Variants in ATXN8OS observed in about 807,000 individuals in gnomAD.
ATXN8OS encodes the protein ATXN8 opposite strand (non-protein coding).
At chr13:70,155,872 A>G (rs1441466484) in intron 4 of ATXN8OS, among the ~76,000 whole-genome samples, 2 of 151,812 alleles carry the variant, frequency 1.3e-5, no homozygotes, top group South Asian at 4.2e-4. Context: ...AAAAAAAAGT[A>G]TGTTTTATTT....
chr13:70,146,329 G>A (rs1273230639), intron 3 of ATXN8OS, among the ~76,000 whole-genome samples: 2 of 149,668 alleles, frequency 1.3e-5, no homozygotes, highest in Non-Finnish European at 3.0e-5. Context: ...CTGTAAACTA[G>A]TTCAACCATT....
Position 70,164,267 on chromosome 13 carries a change from T to A in ATXN8OS, n.574-5486T>A, listed in dbSNP as rs562509096. ...AAAGATATTAAAAATGATATTAAAA[T>A]GTAATTTCAAATAAAGTAATCCTCT... On this transcript the variant is annotated intron_variant and non_coding_transcript_variant, in intron 4 of 4. Transcript: ENST00000678624. Among the ~76,000 whole-genome samples, 14 of 151,742 alleles carry A rather than the reference T, an allele frequency of 9.2e-5. No individual in the cohort carries two copies. The South Asian group carries it at 2.9e-3, about 31-fold the overall frequency.
intron 4 of ATXN8OS, among the ~76,000 whole-genome samples, chr13:70,149,509 G>A (rs302031): frequency 0.86 from 131,597 of 152,182 alleles, 57,052 homozygotes; most frequent in East Asian, 1. Flanking sequence ...CAGAATTACC[G>A]AAGAAACTGT....
At chr13:70,141,125 C>T (rs1182637879) in intron 3 of ATXN8OS, among the ~76,000 whole-genome samples, 3 of 152,168 alleles carry the variant, frequency 2.0e-5, no homozygotes, top group Non-Finnish European at 4.4e-5. Flanking sequence ...ATCCTCAAGG[C>T]TTCCCTAGTT....
intron 2 of ATXN8OS, among the ~76,000 whole-genome samples, chr13:70,126,507 A>T (rs1157637632): frequency 3.3e-5 from 5 of 152,080 alleles, no homozygotes; most frequent in Non-Finnish European, 7.4e-5. Context: ...ATAGATATAG[A>T]CATATGAGTA....
intron 2 of ATXN8OS, among the ~76,000 whole-genome samples, chr13:70,121,079 AAAG>A (rs982581140): frequency 2.7e-5 from 3 of 111,812 alleles, no homozygotes; most frequent in African/African-American, 5.8e-5. Context: ...AATAAAAAAA[AAAG>A]AGAGAAGCCA....
At chr13:70,108,888 C>T (rs1051703211) in intron 1 of ATXN8OS, among the ~76,000 whole-genome samples, 1 of 152,196 alleles carries the variant, frequency 6.6e-6, no homozygotes, top group African/African-American at 2.4e-5. Context: ...CTGACACTTA[C>T]ATTGTGATTC....
chr13:70,135,597 C>T (rs1888602344), intron 3 of ATXN8OS, among the ~76,000 whole-genome samples: 2 of 152,234 alleles, frequency 1.3e-5, no homozygotes, highest in African/African-American at 2.4e-5. Flanking sequence ...GTTCTGACAA[C>T]ATCTATAATT....
At chr13:70,116,770 T>C (rs1888285582) in intron 2 of ATXN8OS, among the ~76,000 whole-genome samples, 1 of 152,106 alleles carries the variant, frequency 6.6e-6, no homozygotes. Context: ...ATGGACAGAC[T>C]ATAGAATAAA....
chr13:70,147,660 A>G (rs1888804024), intron 4 of ATXN8OS, among the ~76,000 whole-genome samples: 1 of 152,166 alleles, frequency 6.6e-6, no homozygotes, highest in South Asian at 2.1e-4. Context: ...AAATATCAGA[A>G]TGTATTATAT....
chr13:70,162,388 G>A (rs996364619), intron 4 of ATXN8OS, among the ~76,000 whole-genome samples: 1 of 152,110 alleles, frequency 6.6e-6, no homozygotes, highest in African/African-American at 2.4e-5. Flanking sequence ...AGGGATACAG[G>A]CAGCCTGAAC....
chr13:70,149,870 T>TC (rs1185582089), intron 4 of ATXN8OS, among the ~76,000 whole-genome samples: 1 of 152,142 alleles, frequency 6.6e-6, no homozygotes, highest in African/African-American at 2.4e-5. Flanking sequence ...AACTTTTTTT[T>TC]CCTTGTGGAG....
At chr13:70,139,317 A>G in intron 3 of ATXN8OS, 1 of 582,590 alleles carries the variant, frequency 1.7e-6, no homozygotes, top group Non-Finnish European at 3.0e-6. Context: ...TTCCTTGGCT[A>G]GACCCTGGGT....
chr13:70,154,977 A>G (rs1360094835), intron 4 of ATXN8OS, among the ~76,000 whole-genome samples: 1 of 152,082 alleles, frequency 6.6e-6, no homozygotes, highest in Non-Finnish European at 1.5e-5. Flanking sequence ...CCCTGCTTTC[A>G]CCCCACTGTA....
chr13:70,146,676 A>G, intron 3 of ATXN8OS, among the ~76,000 whole-genome samples: 1 of 151,020 alleles, frequency 6.6e-6, no homozygotes, highest in Non-Finnish European at 1.5e-5. Context: ...AAAAAACCAA[A>G]CACTGCATGT....
chr13:70,127,769 C>G (rs533952444), intron 2 of ATXN8OS, among the ~76,000 whole-genome samples: 90 of 151,716 alleles, frequency 5.9e-4, no homozygotes, highest in Middle Eastern at 6.8e-3. Flanking sequence ...AAAAGCAATA[C>G]TGTCTAATAA....
intron 4 of ATXN8OS, among the ~76,000 whole-genome samples, chr13:70,168,397 G>A (rs756379949): frequency 1.8e-4 from 28 of 152,034 alleles, no homozygotes; most frequent in Admixed American, 3.9e-4. Context: ...TAGCTATTTT[G>A]AAATATACAA....
At chr13:70,129,249 G>C (rs1052103968) in intron 2 of ATXN8OS, among the ~76,000 whole-genome samples, 3 of 152,156 alleles carry the variant, frequency 2.0e-5, no homozygotes, top group African/African-American at 7.2e-5. Context: ...ATATGTTATA[G>C]TTATTGTGTT....
intron 3 of ATXN8OS, among the ~76,000 whole-genome samples, chr13:70,139,729 T>C (rs1888681384): frequency 6.6e-6 from 1 of 152,124 alleles, no homozygotes; most frequent in Non-Finnish European, 1.5e-5. Flanking sequence ...TGTATATTAG[T>C]CATTTTGCTC....
Sources: allele counts gnomAD v4.1 joint callset (sites outside exome capture counted in the v4.1 genomes callset), GRCh38; gene constraint gnomAD v4.1.1; transcripts MANE v1.5; gene names NCBI Gene and HGNC (gene_info 2026-07-23, HGNC 2026-07-21).